UBR4: variants seen among roughly 807,000 people sequenced by gnomAD.
UBR4 encodes E3 ubiquitin-protein ligase UBR4.
Under a neutral mutation model 575.6 loss-of-function variants are expected in UBR4, and 124 were observed. The ratio of observed to expected loss-of-function variants is 0.22; its 90% CI spans 0.19 to 0.25. UBR4 has a LOEUF of 0.25. Among genes scored for constraint, UBR4 ranks in the 10% least tolerant of loss-of-function variants. UBR4 has a pLI of 1.00. For missense variants in UBR4, 4,818 were observed against 6,478.8 expected (o/e 0.74, Z 8.80); for synonymous variants, 2,455 against 2,473.7 (o/e 0.99, Z 0.22).
At position 19,081,949 on chromosome 1, in the gene UBR4, A is replaced by C. The variant is rs2076559145; in HGVS notation, c.15009-376T>G. ...CCAGAAAAGTGAAGTGACTTGCCCA[A>C]AGTCAGCAAGCTAGTGAGTGATGGG... On this transcript the variant is annotated intron_variant, in intron 102 of 105. Coordinates refer to ENST00000375254, the MANE Select transcript of UBR4 (RefSeq NM_020765.3). The C allele has an allele frequency of 1.0e-5, 6 of 594,440 alleles. No homozygotes were observed. The South Asian group carries it at 1.3e-4, about 13-fold the overall frequency. 36.8% of individuals were successfully genotyped at this position (594,440 alleles called of 1,614,324 possible). A position where few individuals can be genotyped will look rare whatever the true frequency, so the allele number is the denominator to read the frequency against.
At position 19,088,254 on chromosome 1, in the gene UBR4, A is replaced by G. The variant is rs2077200317; in HGVS notation, c.14431-325T>C. ...AGTCTCAGCTTCCAAGGGTTGTTGC[A>G]CTATGATTCATTCACTGTTCCCAGG... On this transcript the variant is annotated intron_variant, in intron 98 of 105. Coordinates refer to ENST00000375254, the MANE Select transcript of UBR4 (RefSeq NM_020765.3). This position sits in a 1 kb window ranked among gnomAD's most constrained non-coding sequence, Gnocchi z 4.0. Among the ~76,000 whole-genome samples, 2 of 152,202 alleles carry G rather than the reference A, an allele frequency of 1.3e-5. No homozygotes were observed. The highest frequency in any genetic ancestry group is 2.9e-5 in the Non-Finnish European group (2 of 68,042).
At chr1:19,196,834 A>C (rs895902702) in intron 8 of UBR4, among the ~76,000 whole-genome samples, 5 of 152,230 alleles carry the variant, frequency 3.3e-5, no homozygotes, top group Non-Finnish European at 7.4e-5. Flanking sequence ...TTGAGGGCAG[A>C]GACTACATGT....
At chr1:19,164,157 T>C (rs1466377786) in intron 33 of UBR4, 96 bp downstream of exon 33, 3 of 1,407,566 alleles carry the variant, frequency 2.1e-6, no homozygotes, top group Non-Finnish European at 2.9e-6. Context: ...AGGGTAGAGA[T>C]TCAAATTTCT....
At chr1:19,135,280 C>A (rs1342204419) in intron 60 of UBR4, among the ~76,000 whole-genome samples, 1 of 152,172 alleles carries the variant, frequency 6.6e-6, no homozygotes, top group African/African-American at 2.4e-5. Flanking sequence ...ATTTGTCTAT[C>A]TTCATACCAT....
At chr1:19,127,845 C>T in intron 62 of UBR4, 106 bp from the exon 63 acceptor site, 1 of 890,544 alleles carries the variant, frequency 1.1e-6, no homozygotes, top group South Asian at 1.5e-5. Context: ...AAATGTTCCT[C>T]AGATTGAATC....
Position 19,076,741 on chromosome 1 carries a change from G to A in UBR4, c.15486C>T (p.Ala5162=), listed in dbSNP as rs576992203. 6.8e-6 allele frequency: 11 copies of A among 1,614,046 alleles called. 1 individual carries two copies. Among genetic ancestry groups the A allele is most frequent in the South Asian group, 3.3e-5 (3 of 91,072 alleles). Residue 5162 remains alanine (A), a splice_region_variant and synonymous_variant, in exon 105 of 106, where the codon GCC becomes GCT. Coordinates refer to ENST00000375254, the MANE Select transcript of UBR4 (RefSeq NM_020765.3). ...AAAAGAGAAAACCTTGACACTAACC[G>A]GCCACATCGAGGAACTCTGAGAAGG... ...VETFSEFLDV[A]GLLSEITDPE...
At chr1:19,169,027 T>G (rs1571380306) in intron 27 of UBR4, among the ~76,000 whole-genome samples, 1 of 148,082 alleles carries the variant, frequency 6.8e-6, no homozygotes, top group East Asian at 2.0e-4. Context: ...CTAGAGAAGC[T>G]AAAAGCGACC....
chr1:19,141,758 G>T lies in UBR4; in HGVS notation c.8199C>A (p.Asp2733Glu). The change falls in exon 56 of 106, where the codon GAC (aspartate) becomes GAA (glutamate). Residue 2733 changes from aspartate to glutamate, a missense_variant. By Grantham distance (45) the Asp-to-Glu change is conservative. This residue lies in a region of UBR4 where 129 missense variants were observed against 198.4 expected (regional missense o/e 0.65). Coordinates refer to ENST00000375254, the MANE Select transcript of UBR4 (RefSeq NM_020765.3). ...NTPMGDKDDD[D>E]DDDADEKMQS... Reference sequence around the variant, plus strand: ...GCATTTTCTCATCTGCATCATCATCGTCATCATCATCCTTGTCTCCTGAGT... The same window carrying T: ...GCATTTTCTCATCTGCATCATCATCTTCATCATCATCCTTGTCTCCTGAGT... 1.9e-6 allele frequency: 3 copies of T among 1,614,056 alleles called. No homozygotes were observed. The highest frequency in any genetic ancestry group is 2.5e-6 in the Non-Finnish European group (3 of 1,180,020).
intron 1 of UBR4, among the ~76,000 whole-genome samples, chr1:19,205,635 CG>C (rs2092969158): frequency 7.3e-6 from 1 of 136,478 alleles, no homozygotes; most frequent in Non-Finnish European, 1.6e-5. Flanking sequence ...CTTTTGGTGG[CG>C]GGCTTTTTTT....
Position 19,167,088 on chromosome 1 carries a change from G to A in UBR4, c.4043C>T (p.Ala1348Val), listed in dbSNP as rs769924006. The A allele has an allele frequency of 9.3e-6, 15 of 1,614,072 alleles. No individual in the cohort carries two copies. Among genetic ancestry groups the A allele is most frequent in the Non-Finnish European group, 1.2e-5 (14 of 1,180,040 alleles). ...LGPAESDEFL[A>V]RVYEKLITGC... is the part of the protein sequence containing the mutation. The stretch of plus-strand genomic sequence containing the variant: ...AGTGATCAGCTTCTCATAAACACGA[G>A]CCAAGAACTCATCAGACTCAGCAGG... The change falls in exon 29 of 106, where the codon GCT becomes GTT. Residue 1348 changes from alanine to valine, a missense_variant. Around this residue, in one of 29 missense-constraint regions of UBR4, gnomAD observed 1,172 missense variants for 1,259.7 expected, o/e 0.93. Transcript: ENST00000375254.
At chr1:19,183,035 A>G (rs2091164668) in intron 17 of UBR4, among the ~76,000 whole-genome samples, 1 of 152,208 alleles carries the variant, frequency 6.6e-6, no homozygotes, top group Non-Finnish European at 1.5e-5. Flanking sequence ...TCAACGTCCT[A>G]GATTTTGTTT....
At chr1:19,155,367 CA>C in intron 43 of UBR4, 73 bp downstream of exon 43, 2 of 1,425,142 alleles carry the variant, frequency 1.4e-6, no homozygotes, top group Non-Finnish European at 1.9e-6. Context: ...TATAAAAGAA[CA>C]AAGAAAAAAG....
At position 19,076,721 on chromosome 1, in the gene UBR4, A is replaced by G. The variant is rs2075980771; in HGVS notation, c.15487+19T>C. The G allele has an allele frequency of 6.2e-7, 1 of 1,614,024 alleles. No individual in the cohort carries two copies. Among genetic ancestry groups the G allele is most frequent in the Non-Finnish European group, 8.5e-7 (1 of 1,180,014 alleles). ...CTTTGCTGCGGAGGATCTTTAAAAG[A>G]GAAAACCTTGACACTAACCGGCCAC... is the stretch of plus-strand genomic sequence containing the variant. On this transcript the variant is annotated intron_variant, in intron 105 of 105. Coordinates refer to ENST00000375254, the MANE Select transcript of UBR4 (RefSeq NM_020765.3).
At chr1:19,119,091 T>G (rs1235210092) in intron 70 of UBR4, 134 bp from the exon 71 acceptor site, 13 of 738,782 alleles carry the variant, frequency 1.8e-5, no homozygotes, top group Middle Eastern at 3.8e-4. Flanking sequence ...CATACAAAGC[T>G]GGGCCTAATT....
chr1:19,147,609 C>G (rs764560577), intron 51 of UBR4, among the ~76,000 whole-genome samples: 1 of 152,222 alleles, frequency 6.6e-6, no homozygotes, highest in Non-Finnish European at 1.5e-5. Context: ...GTCTCACCAA[C>G]AAGTACAGTA....
At chr1:19,196,040 C>A (rs1226484006) in intron 8 of UBR4, among the ~76,000 whole-genome samples, 3 of 150,534 alleles carry the variant, frequency 2.0e-5, no homozygotes, top group African/African-American at 7.4e-5. Context: ...TATGTTCCCC[C>A]AAACTCTTGG....
At chr1:19,197,510 TC>T (rs2151599624) in intron 7 of UBR4, among the ~76,000 whole-genome samples, 159 bp downstream of exon 7, 1 of 152,140 alleles carries the variant, frequency 6.6e-6, no homozygotes, top group Admixed American at 6.6e-5. Flanking sequence ...GTGCCTGTAG[TC>T]CCAGCTACTC....
chr1:19,177,396 G>A, intron 19 of UBR4, 65 bp downstream of exon 19: 3 of 1,573,170 alleles, frequency 1.9e-6, no homozygotes, highest in Non-Finnish European at 2.6e-6. Context: ...GCGGATCATG[G>A]TAACCATTGA....
intron 60 of UBR4, among the ~76,000 whole-genome samples, chr1:19,136,023 GGAAATAACAGAATACCATTTTC>G (rs2083163961): frequency 6.6e-6 from 1 of 152,098 alleles, no homozygotes; most frequent in Non-Finnish European, 1.5e-5. Context: ...ACAAAAGCGA[GGAAATAACAGAATACCATTTTC>G]AACTGGGGAG....
Sources: gnomAD v4.1 joint callset for allele counts (sites outside exome capture counted in the v4.1 genomes callset) on GRCh38, gnomAD v4.1.1 for gene constraint, gnomAD v4.1.1 regional missense constraint, Gnocchi (gnomAD v3.1) non-coding constraint, MANE v1.5 for transcripts, NCBI Gene and HGNC (gene_info 2026-07-23, HGNC 2026-07-21) for gene names.